Variants in KLF12 observed in about 807,000 individuals in gnomAD.
The protein encoded by KLF12 is Krueppel-like factor 12.
A neutral mutation model predicts 37.8 loss-of-function variants in KLF12; 9 were observed. The observed-to-expected ratio is 0.24, with a 90% confidence interval of 0.14 to 0.42. KLF12 has a LOEUF of 0.42. KLF12 is among the 10% of genes least tolerant of loss of function. The pLI is 1.00. For missense variants in KLF12, 411 were observed against 516.0 expected (o/e 0.80, Z 1.97); for synonymous variants, 208 against 202.1 (o/e 1.03, Z -0.25).
At chr13:74,041,845 A>C (rs954687344) in intron 1 of KLF12, among the ~76,000 whole-genome samples, 2 of 152,182 alleles carry the variant, frequency 1.3e-5, no homozygotes, top group Non-Finnish European at 2.9e-5. Flanking sequence ...TATTGTGTGA[A>C]GGTATTCAAG....
At chr13:73,785,340 C>T (rs1284459943) in intron 5 of KLF12, among the ~76,000 whole-genome samples, 2 of 152,026 alleles carry the variant, frequency 1.3e-5, no homozygotes, top group Non-Finnish European at 2.9e-5. Flanking sequence ...TCTTGAACTT[C>T]TGGACTCAAG....
At chr13:74,151,472 G>A in the KLF12 span, among the ~76,000 whole-genome samples, 1 of 151,972 alleles carries the variant, frequency 6.6e-6, no homozygotes, top group Non-Finnish European at 1.5e-5. Flanking sequence ...GCAACAATGC[G>A]AAAACCTGTG....
chr13:74,296,114 T>A, the KLF12 span, among the ~76,000 whole-genome samples: 5 of 151,900 alleles, frequency 3.3e-5, no homozygotes, highest in Non-Finnish European at 7.4e-5. Flanking sequence ...CCACTGTGCC[T>A]GACCTAATCC....
intron 1 of KLF12, among the ~76,000 whole-genome samples, chr13:74,095,045 G>A (rs1875898827): frequency 6.6e-6 from 1 of 152,100 alleles, no homozygotes; most frequent in Non-Finnish European, 1.5e-5. Context: ...TAGTTAATGT[G>A]TTTCAATTTT....
the KLF12 span, among the ~76,000 whole-genome samples, chr13:74,241,331 C>T: frequency 6.6e-6 from 1 of 152,196 alleles, no homozygotes; most frequent in Non-Finnish European, 1.5e-5. Context: ...ACTGGGAGAA[C>T]CACTGCTCTC....
the KLF12 span, among the ~76,000 whole-genome samples, chr13:74,286,955 T>C: frequency 2.6e-5 from 4 of 152,366 alleles, no homozygotes; most frequent in Admixed American, 2.6e-4. Context: ...GCTATCATTT[T>C]CATGTCCCTT....
At chr13:74,051,030 A>G (rs1180995676) in intron 1 of KLF12, among the ~76,000 whole-genome samples, 2 of 152,178 alleles carry the variant, frequency 1.3e-5, no homozygotes, top group Admixed American at 1.3e-4. Flanking sequence ...AAAAACACAA[A>G]TAACAAGTGT....
At chr13:74,069,841 T>C (rs1874127049) in intron 1 of KLF12, among the ~76,000 whole-genome samples, 1 of 152,166 alleles carries the variant, frequency 6.6e-6, no homozygotes. Context: ...GGTTTAGGAA[T>C]GTCGCATCTG....
In KLF12 at chr13:73,799,314, T is replaced by A. The variant is rs1594104526; in HGVS notation, c.806+13838A>T. On this transcript the variant is annotated intron_variant, in intron 5 of 7. Transcript: ENST00000377669. ...AAAAGATAACTATTGGGTACTGGGC[T>A]TAATTCCTGGGTGATGAAATAATCT... 4.6e-5 allele frequency among the ~76,000 whole-genome samples: 7 copies of A among 152,224 alleles called. No individual in the cohort carries two copies. In the South Asian group the frequency reaches 1.5e-3, roughly 32 times the overall value.
At chr13:74,203,481 T>C in the KLF12 span, among the ~76,000 whole-genome samples, 494 of 152,252 alleles carry the variant, frequency 3.2e-3, 4 homozygotes, top group African/African-American at 0.011. Context: ...AAGACTATTA[T>C]GGTCCACTAT....
chr13:74,081,053 G>A (rs1382365235), intron 1 of KLF12, among the ~76,000 whole-genome samples: 1 of 152,168 alleles, frequency 6.6e-6, no homozygotes, highest in Non-Finnish European at 1.5e-5. Context: ...AAAGCCTCTG[G>A]TACGAAATGA....
At chr13:73,954,734 A>C (rs966885890) in intron 2 of KLF12, among the ~76,000 whole-genome samples, 1 of 152,240 alleles carries the variant, frequency 6.6e-6, no homozygotes, top group Non-Finnish European at 1.5e-5. Context: ...CACTTGACCC[A>C]ATATATAATC....
chr13:74,109,189 T>C (rs561309382), intron 1 of KLF12, among the ~76,000 whole-genome samples: 2 of 152,220 alleles, frequency 1.3e-5, no homozygotes, highest in Admixed American at 1.3e-4. Flanking sequence ...AATACAAATA[T>C]GAAATTAAGA....
the KLF12 span, among the ~76,000 whole-genome samples, chr13:74,292,396 G>A: frequency 1.3e-5 from 2 of 152,058 alleles, no homozygotes; most frequent in South Asian, 2.1e-4. Context: ...ACTGAATAAA[G>A]TATATATGTT....
intron 2 of KLF12, among the ~76,000 whole-genome samples, chr13:73,971,249 C>T (rs937420574): frequency 6.6e-6 from 1 of 152,080 alleles, no homozygotes; most frequent in Admixed American, 6.6e-5. Context: ...ATTGCAAACA[C>T]ATTTAAGGAT....
intron 6 of KLF12, among the ~76,000 whole-genome samples, chr13:73,717,895 C>G (rs994251383): frequency 1.3e-5 from 2 of 152,102 alleles, no homozygotes; most frequent in African/African-American, 4.8e-5. Context: ...AACAGAGCAA[C>G]AGTAATTCAT....
chr13:74,072,395 A>ATATATATATATG (rs2138710478), intron 1 of KLF12, among the ~76,000 whole-genome samples: 1 of 130,028 alleles, frequency 7.7e-6, no homozygotes, highest in Admixed American at 7.5e-5. Context: ...ATATATATAT[A>ATATATATATATG]TATATATATA....
chr13:73,956,518 T>C (rs77690202), intron 2 of KLF12, among the ~76,000 whole-genome samples: 1,778 of 152,280 alleles, frequency 0.012, 43 homozygotes, highest in Non-Finnish European at 0.014. Flanking sequence ...GTTGTAACCA[T>C]CAAAAATGCC....
At chr13:73,962,990 C>A (rs1401625852) in intron 2 of KLF12, among the ~76,000 whole-genome samples, 1 of 152,136 alleles carries the variant, frequency 6.6e-6, no homozygotes, top group African/African-American at 2.4e-5. Context: ...AAACATAATT[C>A]TATCACCCCA....
Sources: allele counts gnomAD v4.1 joint callset (sites outside exome capture counted in the v4.1 genomes callset), GRCh38; gene constraint gnomAD v4.1.1; transcripts MANE v1.5; gene names NCBI Gene and HGNC (gene_info 2026-07-23, HGNC 2026-07-21).